LARGE1: variants seen among roughly 807,000 people sequenced by gnomAD.
LARGE1 encodes xylosyl- and glucuronyltransferase LARGE1.
A neutral mutation model predicts 87.6 loss-of-function variants in LARGE1; 43 were observed. That is an observed-to-expected ratio of 0.49 (90% confidence interval 0.38 to 0.63). The LOEUF is 0.63. LARGE1 is among the 30% of genes least tolerant of loss of function. The probability of loss-of-function intolerance (pLI) is 0.00; values close to 1 mark genes in which losing one functional copy is unlikely to be tolerated. For missense variants in LARGE1, 802 were observed against 1,000.2 expected (o/e 0.80, Z 2.67); for synonymous variants, 434 against 394.6 (o/e 1.10, Z -1.18).
chr22:33,449,314 A>C (rs2067818176), intron 6 of LARGE1, among the ~76,000 whole-genome samples: 1 of 152,198 alleles, frequency 6.6e-6, no homozygotes, highest in Non-Finnish European at 1.5e-5. Context: ...TCCACTGTTT[A>C]GCTGTTGAGC....
chr22:33,247,408 T>A (rs1278855406), intron 11 of LARGE1, among the ~76,000 whole-genome samples: 3 of 152,170 alleles, frequency 2.0e-5, no homozygotes, highest in Non-Finnish European at 4.4e-5. Context: ...TTGTCAATCA[T>A]TACAGCTGAT....
chr22:33,552,125 T>C lies in LARGE1; in HGVS notation c.787+12723A>G, dbSNP rs113482136. 2.5e-3 allele frequency among the ~76,000 whole-genome samples: 387 copies of C among 152,232 alleles called. 1 individual carries two copies. Among genetic ancestry groups the C allele is most frequent in the African/African-American group, 8.8e-3 (366 of 41,548 alleles). On this transcript the variant is annotated intron_variant, in intron 6 of 14. Transcript: ENST00000397394. ...TCAGTCATATGAATTTCTAACGGAC[T>C]GAGCATTAAAGAGCATAACTTGTGC...
chr22:33,506,203 T>C (rs962061941), intron 6 of LARGE1, among the ~76,000 whole-genome samples: 5 of 152,026 alleles, frequency 3.3e-5, no homozygotes, highest in African/African-American at 1.2e-4. Context: ...ACATAATATA[T>C]ATATATATAT....
At chr22:33,581,301 G>T (rs940041229) in intron 5 of LARGE1, among the ~76,000 whole-genome samples, 1 of 152,126 alleles carries the variant, frequency 6.6e-6, no homozygotes, top group Non-Finnish European at 1.5e-5. Context: ...GGAAACAGAT[G>T]GAATTAAGAG....
intron 7 of LARGE1, among the ~76,000 whole-genome samples, chr22:33,407,827 T>C (rs1282307780): frequency 2.0e-5 from 3 of 152,178 alleles, no homozygotes; most frequent in Non-Finnish European, 4.4e-5. Context: ...ACTTAATTTC[T>C]GTCTTTGCAG....
At chr22:33,324,304 C>T (rs1019212578) in intron 10 of LARGE1, among the ~76,000 whole-genome samples, 1 of 134,432 alleles carries the variant, frequency 7.4e-6, no homozygotes, top group Non-Finnish European at 1.6e-5. Flanking sequence ...AACCCCCCCC[C>T]CAAAACAAAC....
chr22:33,529,275 G>A (rs536318839), intron 6 of LARGE1, among the ~76,000 whole-genome samples: 1 of 152,158 alleles, frequency 6.6e-6, no homozygotes, highest in East Asian at 1.9e-4. Flanking sequence ...CCCAAGCCCT[G>A]AGCTCTCTAT....
At chr22:33,851,991 T>C (rs2063596721) in intron 1 of LARGE1, among the ~76,000 whole-genome samples, 1 of 152,202 alleles carries the variant, frequency 6.6e-6, no homozygotes, top group Non-Finnish European at 1.5e-5. Context: ...TCTTGTTCTA[T>C]TACCAACATA....
chr22:33,165,555 T>C (rs1333542046), exon 12 of LARGE1: 1 of 152,192 alleles, frequency 6.6e-6, no homozygotes, highest in African/African-American at 2.4e-5. Context: ...TTTACTAATA[T>C]GCAGGTTTAG....
intron 6 of LARGE1, among the ~76,000 whole-genome samples, chr22:33,480,812 G>C (rs756276811): frequency 3.3e-5 from 5 of 152,060 alleles, no homozygotes; most frequent in Non-Finnish European, 7.4e-5. Context: ...ACAAAAACAG[G>C]ATAACGGTAG....
At chr22:33,434,784 T>C (rs2067205147) in intron 6 of LARGE1, among the ~76,000 whole-genome samples, 1 of 152,202 alleles carries the variant, frequency 6.6e-6, no homozygotes, top group Non-Finnish European at 1.5e-5. Context: ...TTTTGTTGCC[T>C]GTGGTCTAAT....
chr22:33,153,660 C>T, the LARGE1 span, among the ~76,000 whole-genome samples: 1 of 152,290 alleles, frequency 6.6e-6, no homozygotes, highest in Non-Finnish European at 1.5e-5. Flanking sequence ...TTTTCTCAGA[C>T]ACATTTACTT....
At chr22:33,365,742 G>C (rs1042107949) in intron 9 of LARGE1, among the ~76,000 whole-genome samples, 3 of 151,414 alleles carry the variant, frequency 2.0e-5, no homozygotes, top group African/African-American at 7.3e-5. Flanking sequence ...TTAGCCTCCT[G>C]AGTAGCTGGG....
intron 6 of LARGE1, among the ~76,000 whole-genome samples, chr22:33,438,736 G>A (rs1307917155): frequency 6.6e-6 from 1 of 152,212 alleles, no homozygotes; most frequent in African/African-American, 2.4e-5. Flanking sequence ...TGGGTATAAA[G>A]AAGGCAGCAT....
At chr22:33,614,345 T>C (rs1386715795) in intron 4 of LARGE1, among the ~76,000 whole-genome samples, 1 of 152,182 alleles carries the variant, frequency 6.6e-6, no homozygotes, top group East Asian at 1.9e-4. Flanking sequence ...CTCTTTTTTC[T>C]CATGAATATA....
At chr22:33,137,018 C>T in the LARGE1 span, 2 of 151,680 alleles carry the variant, frequency 1.3e-5, no homozygotes, top group African/African-American at 4.8e-5. Flanking sequence ...ACTAAATGTG[C>T]CCACTGAGTT....
intron 1 of LARGE1, among the ~76,000 whole-genome samples, chr22:33,837,655 C>G (rs947716354): frequency 6.6e-6 from 1 of 152,182 alleles, no homozygotes; most frequent in Non-Finnish European, 1.5e-5. Context: ...CAGGATGCCT[C>G]GGAAGAAGAG....
chr22:33,451,984 A>AG (rs1173590472), intron 6 of LARGE1, among the ~76,000 whole-genome samples: 1 of 152,222 alleles, frequency 6.6e-6, no homozygotes, highest in African/African-American at 2.4e-5. Context: ...AATTACACCC[A>AG]GGTTCCTCTT....
At chr22:33,537,407 A>G (rs1489400284) in intron 6 of LARGE1, among the ~76,000 whole-genome samples, 2 of 151,978 alleles carry the variant, frequency 1.3e-5, no homozygotes, top group African/African-American at 2.4e-5. Context: ...TTCTATCATT[A>G]TATCGCTTCT....
Sources: allele counts gnomAD v4.1 joint callset (sites outside exome capture counted in the v4.1 genomes callset), GRCh38; gene constraint gnomAD v4.1.1; transcripts MANE v1.5; gene names NCBI Gene and HGNC (gene_info 2026-07-23, HGNC 2026-07-21).